The following RAPGEF4 variants were observed in gnomAD, a reference collection of about 807,000 sequenced individuals.
RAPGEF4 encodes the protein RAP guanine-nucleotide-exchange factor (GEF) 4.
Under a neutral mutation model 147.9 loss-of-function variants are expected in RAPGEF4, and 66 were observed. The ratio of observed to expected loss-of-function variants is 0.45; its 90% CI spans 0.37 to 0.55. RAPGEF4 has a LOEUF of 0.55. RAPGEF4 is among the 20% of genes least tolerant of loss of function. The probability of loss-of-function intolerance (pLI) is 0.00; values close to 1 mark genes in which losing one functional copy is unlikely to be tolerated. For synonymous variants in RAPGEF4, 419 were observed against 442.7 expected (o/e 0.95, Z 0.67); for missense variants, 1,071 against 1,257.3 (o/e 0.85, Z 2.24).
chr2:172,776,280 A>G (rs1419133163), intron 1 of RAPGEF4, among the ~76,000 whole-genome samples: 1 of 152,174 alleles, frequency 6.6e-6, no homozygotes, highest in Non-Finnish European at 1.5e-5. Context: ...GCTAAACACA[A>G]GACAAATAGT....
intron 1 of RAPGEF4, among the ~76,000 whole-genome samples, chr2:172,782,375 C>T (rs1404372457): frequency 6.6e-6 from 1 of 152,202 alleles, no homozygotes; most frequent in African/African-American, 2.4e-5. Flanking sequence ...TCCCGCCATG[C>T]TCAGTGTGCT....
chr2:173,020,560 C>A (rs1695985597), intron 22 of RAPGEF4, 58 bp from the exon 23 acceptor site: 1 of 1,332,932 alleles, frequency 7.5e-7, no homozygotes, highest in South Asian at 1.2e-5. Flanking sequence ...GTGATTAGGG[C>A]AGTGCAGCAA....
intron 1 of RAPGEF4, among the ~76,000 whole-genome samples, chr2:172,784,986 C>T (rs918066875): frequency 7.9e-5 from 12 of 152,246 alleles, no homozygotes; most frequent in South Asian, 2.1e-4. Context: ...CCACCACACC[C>T]GGCTAATTTT....
At chr2:172,850,909 T>G (rs1306292968) in intron 4 of RAPGEF4, among the ~76,000 whole-genome samples, 1 of 152,178 alleles carries the variant, frequency 6.6e-6, no homozygotes, top group Non-Finnish European at 1.5e-5. Flanking sequence ...GTTTCAGGGA[T>G]CTTTTGTATG....
At chr2:172,889,450 G>T (rs1575144892) in intron 4 of RAPGEF4, among the ~76,000 whole-genome samples, 1 of 152,018 alleles carries the variant, frequency 6.6e-6, no homozygotes, top group East Asian at 1.9e-4. Context: ...TAGAAACATG[G>T]GCAGCATTTG....
chr2:172,891,721 C>G (rs1164376015), intron 4 of RAPGEF4, among the ~76,000 whole-genome samples: 1 of 152,182 alleles, frequency 6.6e-6, no homozygotes, highest in Non-Finnish European at 1.5e-5. Context: ...GGTGTAAAAA[C>G]AGTGACAGAA....
At chr2:172,971,908 G>A (rs1690530556) in intron 10 of RAPGEF4, among the ~76,000 whole-genome samples, 1 of 152,186 alleles carries the variant, frequency 6.6e-6, no homozygotes, top group Non-Finnish European at 1.5e-5. Flanking sequence ...CTGAGAGCAT[G>A]TTCAAAGGTC....
At chr2:172,982,118 T>G (rs1475891917) in intron 10 of RAPGEF4, among the ~76,000 whole-genome samples, 1 of 152,212 alleles carries the variant, frequency 6.6e-6, no homozygotes, top group Non-Finnish European at 1.5e-5. Context: ...GTTGCACTGA[T>G]TTTAAACTTG....
chr2:172,881,549 G>A (rs778154660), intron 4 of RAPGEF4, among the ~76,000 whole-genome samples: 4 of 152,192 alleles, frequency 2.6e-5, no homozygotes, highest in Non-Finnish European at 5.9e-5. Flanking sequence ...CACTTCCTCG[G>A]ATAGAAGGAA....
intron 1 of RAPGEF4, among the ~76,000 whole-genome samples, chr2:172,793,980 T>G (rs888073637): frequency 2.0e-5 from 3 of 151,374 alleles, no homozygotes; most frequent in Non-Finnish European, 4.4e-5. Context: ...TACAAAAAAT[T>G]AGCTGGACGT....
At chr2:172,907,802 A>T (rs2149991996) in intron 4 of RAPGEF4, among the ~76,000 whole-genome samples, 1 of 152,278 alleles carries the variant, frequency 6.6e-6, no homozygotes, top group Non-Finnish European at 1.5e-5. Context: ...TCCTTGGTTT[A>T]TTGTTACAAC....
intron 26 of RAPGEF4, 71 bp from the exon 27 acceptor site, chr2:173,033,843 A>G: frequency 7.1e-7 from 1 of 1,415,858 alleles, no homozygotes; most frequent in African/African-American, 1.4e-5. Context: ...TCCCCTAGAA[A>G]TGGTAACCCA....
rs1684939426 is a variant in RAPGEF4 at position 173,042,867 on chromosome 2, TAC to T, written c.2854-5732_2854-5731del. On this transcript the variant is annotated intron_variant, in intron 29 of 30. Transcript: ENST00000397081. This position sits in a 1 kb window ranked among gnomAD's most constrained non-coding sequence, Gnocchi z 4.2. ...TGTCTTCTCCCATGGTCATCATATA[TAC>T]CACATACCGTAAGCATCATGCATGT... Among the ~76,000 whole-genome samples the T allele has an allele frequency of 6.6e-6, 1 of 152,192 alleles. No individual in the cohort carries two copies. Among genetic ancestry groups the T allele is most frequent in the African/African-American group, 2.4e-5 (1 of 41,432 alleles).
intron 1 of RAPGEF4, among the ~76,000 whole-genome samples, chr2:172,774,415 A>C (rs1233176071): frequency 1.3e-5 from 2 of 152,170 alleles, no homozygotes; most frequent in Non-Finnish European, 1.5e-5. Flanking sequence ...GAACCACTAG[A>C]ACTCCAAACC....
chr2:172,968,598 C>A (rs1049361616), intron 10 of RAPGEF4, among the ~76,000 whole-genome samples: 1 of 152,156 alleles, frequency 6.6e-6, no homozygotes, highest in Non-Finnish European at 1.5e-5. Context: ...CCAGCAGATA[C>A]CATCATCCTT....
chr2:172,750,781 T>C (rs1695212706), intron 1 of RAPGEF4, among the ~76,000 whole-genome samples: 1 of 152,228 alleles, frequency 6.6e-6, no homozygotes, highest in Non-Finnish European at 1.5e-5. Context: ...CATTTGTTTG[T>C]CTTCTTTGGA....
intron 4 of RAPGEF4, among the ~76,000 whole-genome samples, chr2:172,845,431 C>T (rs1394455915): frequency 6.6e-6 from 1 of 151,898 alleles, no homozygotes; most frequent in Non-Finnish European, 1.5e-5. Flanking sequence ...GCAAACCAAA[C>T]CCAGATTTTT....
At chr2:172,804,788 A>G (rs1242620557) in intron 3 of RAPGEF4, among the ~76,000 whole-genome samples, 1 of 152,216 alleles carries the variant, frequency 6.6e-6, no homozygotes, top group Non-Finnish European at 1.5e-5. Flanking sequence ...TATATTAAAA[A>G]AAGTCATGAT....
In RAPGEF4 at chr2:172,907,201, G is replaced by A. The variant is rs112659690; in HGVS notation, c.445-10601G>A. Among the ~76,000 whole-genome samples the A allele has an allele frequency of 1.3e-5, 2 of 152,318 alleles. 1 individual carries two copies. Among genetic ancestry groups the A allele is most frequent in the African/African-American group, 4.8e-5 (2 of 41,574 alleles). ...GACTGTCATCTTTTGTTTCATATTAGAAAATATTAGTATAGTCTGTATACT... is the reference window on the plus strand; with the variant it reads ...GACTGTCATCTTTTGTTTCATATTAAAAAATATTAGTATAGTCTGTATACT... On this transcript the variant is annotated intron_variant, in intron 4 of 30. Transcript: ENST00000397081.
Sources: gnomAD v4.1 joint callset for allele counts (sites outside exome capture counted in the v4.1 genomes callset) on GRCh38, gnomAD v4.1.1 for gene constraint, Gnocchi (gnomAD v3.1) non-coding constraint, MANE v1.5 for transcripts, NCBI Gene and HGNC (gene_info 2026-07-23, HGNC 2026-07-21) for gene names.